CYB5B: variants seen among roughly 807,000 people sequenced by gnomAD.
The protein encoded by CYB5B is cytochrome b5 type B, also known as cytochrome b5 type B (outer mitochondrial membrane).
In CYB5B, 14 loss-of-function variants were observed where a neutral mutation model predicts 21.3. The observed-to-expected ratio is 0.66, with a 90% confidence interval of 0.43 to 1.03. The LOEUF is 1.03. Ranked by LOEUF, CYB5B falls within the 50% of genes least tolerant of loss-of-function variation. The pLI is 0.00. For missense variants in CYB5B, 166 were observed against 185.1 expected, an observed-to-expected ratio of 0.90 and a Z score of 0.60; for synonymous variants, 69 against 68.4, an observed-to-expected ratio of 1.01 and a Z score of -0.04.
At chr16:69,432,518 C>T (rs1380825325) in intron 1 of CYB5B, among the ~76,000 whole-genome samples, 2 of 152,156 alleles carry the variant, frequency 1.3e-5, no homozygotes, top group Non-Finnish European at 2.9e-5. Context: ...CGTGCATATA[C>T]TTATATGTGC....
chr16:69,425,733 A>G (rs2142805388), intron 1 of CYB5B, among the ~76,000 whole-genome samples: 1 of 152,316 alleles, frequency 6.6e-6, no homozygotes, highest in East Asian at 1.9e-4. Flanking sequence ...ATTCTCTCCC[A>G]ACCCCAGGCA....
chr16:69,453,596 C>G (rs1274781922), intron 3 of CYB5B, among the ~76,000 whole-genome samples: 2 of 152,092 alleles, frequency 1.3e-5, no homozygotes, highest in African/African-American at 2.4e-5. Context: ...GTTGCTCTGT[C>G]ACCCAGGTTG....
intron 1 of CYB5B, among the ~76,000 whole-genome samples, chr16:69,434,778 G>T (rs887094291): frequency 2.7e-5 from 4 of 149,608 alleles, no homozygotes; most frequent in Admixed American, 6.8e-5. Flanking sequence ...CAGGAGAATC[G>T]CTTGAACCCG....
chr16:69,455,836 C>G (rs576193911), intron 3 of CYB5B, among the ~76,000 whole-genome samples: 13 of 152,258 alleles, frequency 8.5e-5, no homozygotes, highest in South Asian at 2.1e-4. Context: ...AGTGCTTCTT[C>G]AGTCTTCCTA....
intron 3 of CYB5B, 37 bp from the exon 4 acceptor site, chr16:69,459,056 T>C (rs749387575): frequency 6.5e-7 from 1 of 1,534,716 alleles, no homozygotes; most frequent in East Asian, 2.3e-5. Flanking sequence ...TTTCTTTTTG[T>C]TTGTTATTTT....
chr16:69,459,202 A>G (rs2015010149), intron 4 of CYB5B, 81 bp downstream of exon 4: 2 of 1,498,210 alleles, frequency 1.3e-6, no homozygotes, highest in East Asian at 2.4e-5. Context: ...TGTATGTAAC[A>G]TAACTTATGA....
Position 69,462,561 on chromosome 16 carries a change from C to T in CYB5B, c.*41C>T, listed in dbSNP as rs761237649. Reference sequence around the variant, plus strand: ...GTTAGAAAGTGCATCCACTTTGGGGCGAAAACTAGAGACTTGCTTGGGGGC... The same window carrying T: ...GTTAGAAAGTGCATCCACTTTGGGGTGAAAACTAGAGACTTGCTTGGGGGC... On this transcript the variant is annotated 3_prime_UTR_variant, in exon 5 of 5. Coordinates refer to ENST00000307892, the MANE Select transcript of CYB5B (RefSeq NM_030579.3). 35 of 1,533,058 alleles carry T rather than the reference C, an allele frequency of 2.3e-5. No homozygotes were observed. Among genetic ancestry groups the T allele is most frequent in the Non-Finnish European group, 2.7e-5 (30 of 1,108,158 alleles). 95.0% of individuals were successfully genotyped at this position (1,533,058 alleles called of 1,614,324 possible). A position where few individuals can be genotyped will look rare whatever the true frequency, so the allele number is the denominator to read the frequency against.
intron 1 of CYB5B, 103 bp downstream of exon 1, chr16:69,424,960 T>A (rs928017094): frequency 5.6e-6 from 7 of 1,247,180 alleles, no homozygotes; most frequent in Non-Finnish European, 7.3e-6. Context: ...CTGGGGGCGA[T>A]AAGGCGTAAG....
chr16:69,424,701 G>A lies in CYB5B; in HGVS notation c.18G>A (p.Ala6=). The part of the protein sequence containing the change: MSGSM[A]TAEASGSDGK... ...GAGGCAGTATGTCCGGTTCAATGGCGACTGCGGAAGCTAGCGGCAGCGATG... is the reference window on the plus strand; with the variant it reads ...GAGGCAGTATGTCCGGTTCAATGGCAACTGCGGAAGCTAGCGGCAGCGATG... The change falls in exon 1 of 5, where the codon GCG becomes GCA. Residue 6 remains alanine (A), a synonymous_variant. Transcript: ENST00000307892. 1.3e-6 allele frequency: 2 copies of A among 1,588,784 alleles called. No individual in the cohort carries two copies. The highest frequency in any genetic ancestry group is 1.7e-6 in the Non-Finnish European group (2 of 1,167,376).
chr16:69,451,658 A>G (rs1011151720), intron 3 of CYB5B, among the ~76,000 whole-genome samples: 17 of 152,128 alleles, frequency 1.1e-4, no homozygotes, highest in Admixed American at 1.0e-3. Context: ...ACAGTATACT[A>G]TAAAAAAAGT....
rs1394538109 is a variant in CYB5B, at chr16:69,463,090, A to T, written c.*570A>T. The T allele has an allele frequency of 6.6e-6, 1 of 152,372 alleles. No homozygotes were observed. The highest frequency in any genetic ancestry group is 1.5e-5 in the Non-Finnish European group (1 of 68,168). The allele number at this position is 152,372 out of a possible 1,614,324, so 9.4% of individuals were successfully genotyped here. A position where few individuals can be genotyped will look rare whatever the true frequency, so the allele number is the denominator to read the frequency against. The stretch of plus-strand genomic sequence containing the variant: ...GAGACCCCTATCTGTATTAAAAAAA[A>T]ATCTGATTTAATTCTTTTATTTATC... On this transcript the variant is annotated 3_prime_UTR_variant, in exon 5 of 5. Coordinates refer to ENST00000307892, the MANE Select transcript of CYB5B (RefSeq NM_030579.3).
In CYB5B at chr16:69,424,645, A is replaced by T; in HGVS notation, c.-39A>T. On this transcript the variant is annotated 5_prime_UTR_variant, in exon 1 of 5. Transcript: ENST00000307892. ...AAGGCTGAGCGCGGGCTCTCAAGGA[A>T]AGTAGTCGCGGAATCTCAGTTAGCG... The T allele has an allele frequency of 6.6e-7, 1 of 1,505,642 alleles. No homozygotes were observed. The highest frequency in any genetic ancestry group is 8.9e-7 in the Non-Finnish European group (1 of 1,123,190). 93.3% of individuals were successfully genotyped at this position (1,505,642 alleles called of 1,614,324 possible). A position where few individuals can be genotyped will look rare whatever the true frequency, so the allele number is the denominator to read the frequency against.
chr16:69,427,329 G>A (rs1352127614), intron 1 of CYB5B, among the ~76,000 whole-genome samples: 1 of 152,062 alleles, frequency 6.6e-6, no homozygotes, highest in African/African-American at 2.4e-5. Flanking sequence ...TGAGCTTGGA[G>A]GGAACACTCA....
intron 1 of CYB5B, among the ~76,000 whole-genome samples, chr16:69,436,869 A>T (rs1012356718): frequency 6.6e-6 from 1 of 152,158 alleles, no homozygotes; most frequent in African/African-American, 2.4e-5. Flanking sequence ...ATTCTCCTCT[A>T]TTCTGCCCAT....
Position 69,424,832 on chromosome 16 carries a change from A to T in CYB5B, c.149A>T (p.Tyr50Phe), listed in dbSNP as rs535299107. The change falls in exon 1 of 5, where the codon TAC becomes TTC. Residue 50 changes from tyrosine to phenylalanine, a missense_variant. Coordinates refer to ENST00000307892, the MANE Select transcript of CYB5B (RefSeq NM_030579.3). The part of the protein sequence containing the change: ...ELWLVIHGRV[Y>F]DVTRFLNEHP... ...TGGCTTGTGATCCATGGGCGAGTCT[A>T]CGATGTCACCCGCTTCCTCAACGAG... 1 of 1,592,490 alleles carries T rather than the reference A, an allele frequency of 6.3e-7. No homozygotes were observed. The highest frequency in any genetic ancestry group is 1.8e-5 in the Admixed American group (1 of 56,838).
chr16:69,428,700 A>G (rs2014674236), intron 1 of CYB5B, among the ~76,000 whole-genome samples: 1 of 152,132 alleles, frequency 6.6e-6, no homozygotes, highest in African/African-American at 2.4e-5. Context: ...GGACTGTGGA[A>G]TATTTATGTG....
intron 1 of CYB5B, among the ~76,000 whole-genome samples, chr16:69,433,118 G>A (rs1567470629): frequency 1.3e-5 from 2 of 152,110 alleles, no homozygotes; most frequent in African/African-American, 2.4e-5. Flanking sequence ...ACTCTTAACC[G>A]TACCCTAGGA....
chr16:69,432,158 G>C (rs1300515867), intron 1 of CYB5B, among the ~76,000 whole-genome samples: 2 of 152,310 alleles, frequency 1.3e-5, no homozygotes, highest in South Asian at 2.1e-4. Flanking sequence ...CTGGTAGGTA[G>C]TTTGGATTTG....
At chr16:69,447,078 G>C in intron 1 of CYB5B, 72 bp from the exon 2 acceptor site, 1 of 1,542,316 alleles carries the variant, frequency 6.5e-7, no homozygotes, top group Non-Finnish European at 8.8e-7. Context: ...AGGAAGAAGG[G>C]GGTATGGGAA....
Sources: gnomAD v4.1 joint callset for allele counts (sites outside exome capture counted in the v4.1 genomes callset) on GRCh38, gnomAD v4.1.1 for gene constraint, MANE v1.5 for transcripts, NCBI Gene and HGNC (gene_info 2026-07-23, HGNC 2026-07-21) for gene names.